Variants in UCMA observed in about 807,000 individuals in gnomAD.
UCMA encodes the protein upper zone of growth plate and cartilage matrix-associated protein.
Under a neutral mutation model 21.8 loss-of-function variants are expected in UCMA, and 21 were observed. The ratio of observed to expected loss-of-function variants is 0.97; its 90% CI spans 0.68 to 1.39. The LOEUF is 1.39. Among genes scored for constraint, UCMA ranks in the 40% most tolerant of loss-of-function variants. UCMA has a pLI of 0.00. For missense variants in UCMA, 193 were observed against 178.9 expected (o/e 1.08, Z -0.45); for synonymous variants, 76 against 67.9 (o/e 1.12, Z -0.58).
intron 1 of UCMA, 73 bp from the exon 2 acceptor site, chr10:13,233,873 CTCTT>C (rs1834934572): frequency 6.3e-7 from 1 of 1,581,068 alleles, no homozygotes; most frequent in Non-Finnish European, 8.6e-7. Flanking sequence ...GTCCCCATCT[CTCTT>C]TCCAGGCTAA....
intron 4 of UCMA, 85 bp from the exon 5 acceptor site, chr10:13,222,285 C>T: frequency 1.6e-6 from 2 of 1,249,038 alleles, no homozygotes; most frequent in Non-Finnish European, 2.3e-6. Context: ...CGAACCCCTG[C>T]CCTGTGGTGA....
intron 1 of UCMA, 119 bp downstream of exon 1, chr10:13,234,082 A>T: frequency 1.1e-5 from 10 of 877,544 alleles, no homozygotes; most frequent in South Asian, 1.9e-5. Context: ...ACACATACAC[A>T]CATGTTAACA....
At chr10:13,225,564 AC>A (rs1410130437) in intron 4 of UCMA, among the ~76,000 whole-genome samples, 1 of 150,790 alleles carries the variant, frequency 6.6e-6, no homozygotes, top group Non-Finnish European at 1.5e-5. Flanking sequence ...AATCCCAGCT[AC>A]TCAGGAAGCT....
rs372826471 is a variant in UCMA at position 13,234,216 on chromosome 10, C to T, written c.43G>A (p.Val15Met). The T allele has an allele frequency of 2.0e-5, 33 of 1,613,152 alleles. No homozygotes were observed. The highest frequency in any genetic ancestry group is 1.3e-4 in the African/African-American group (10 of 74,502). ...QAVLLSCFSA[V>M]VLLSMLREGT... Reference sequence around the variant, plus strand: ...CTGTACTCACTAGACAGGAGCACCACGGCGGAGAAGCAAGACAGCAGGACG... The same window carrying T: ...CTGTACTCACTAGACAGGAGCACCATGGCGGAGAAGCAAGACAGCAGGACG... The change falls in exon 1 of 5, where the codon GTG becomes ATG. Residue 15 changes from valine (V) to methionine (M), a missense_variant. By Grantham distance (21) the Val-to-Met change is conservative. Transcript: ENST00000378681.
At chr10:13,223,782 C>T (rs1834789301) in intron 4 of UCMA, among the ~76,000 whole-genome samples, 2 of 152,056 alleles carry the variant, frequency 1.3e-5, no homozygotes, top group South Asian at 4.1e-4. Context: ...GAACTCCTGA[C>T]CTCAAGTGAT....
intron 4 of UCMA, among the ~76,000 whole-genome samples, chr10:13,223,617 G>A (rs1375749554): frequency 6.6e-6 from 1 of 152,162 alleles, no homozygotes; most frequent in Non-Finnish European, 1.5e-5. Flanking sequence ...GCAGTGGCGT[G>A]ATCTCGGCTC....
rs1351714421 is a variant in UCMA at position 13,222,203 on chromosome 10, G to A, written c.320-3C>T. 1 of 1,613,402 alleles carries A rather than the reference G, an allele frequency of 6.2e-7. No individual in the cohort carries two copies. The highest frequency in any genetic ancestry group is 8.5e-7 in the Non-Finnish European group (1 of 1,179,874). ...CTCCCGGCTCCTCTCTTCCTGCTCT[G>A]GGGAGGAAAGACAAAGCCACCTGTT... On this transcript the variant is annotated splice_region_variant and splice_polypyrimidine_tract_variant and intron_variant, in intron 4 of 4. Coordinates refer to ENST00000378681, the MANE Select transcript of UCMA (RefSeq NM_145314.3).
intron 3 of UCMA, among the ~76,000 whole-genome samples, chr10:13,230,930 G>A (rs1834889797): frequency 6.6e-6 from 1 of 152,082 alleles, no homozygotes; most frequent in Admixed American, 6.6e-5. Flanking sequence ...GGTGGCAGGT[G>A]CCTATAATTC....
At position 13,233,814 on chromosome 10, in the gene UCMA, G is replaced by A. The variant is rs1395572232; in HGVS notation, c.59-14C>T. ...CCTCTCTCAGCACTGCAGGACAAGG[G>A]CACAGAGTGAGGCTGCAGCATCAGA... On this transcript the variant is annotated splice_polypyrimidine_tract_variant and intron_variant, in intron 1 of 4. Transcript: ENST00000378681. 2.5e-6 allele frequency: 4 copies of A among 1,613,306 alleles called. No homozygotes were observed. In the African/African-American group the frequency reaches 5.3e-5, roughly 22 times the overall value.
chr10:13,233,093 T>TC (rs1341409510), intron 3 of UCMA, among the ~76,000 whole-genome samples: 2 of 152,094 alleles, frequency 1.3e-5, no homozygotes, highest in Non-Finnish European at 1.5e-5. Flanking sequence ...TCCTGTGCCT[T>TC]CCCCATGTGC....
At chr10:13,229,234 C>T (rs191862324) in intron 4 of UCMA, among the ~76,000 whole-genome samples, 98 of 152,260 alleles carry the variant, frequency 6.4e-4, no homozygotes, top group Admixed American at 6.2e-3. Context: ...CTGCGCCCGG[C>T]CCTCCCTTCT....
intron 3 of UCMA, 95 bp from the exon 4 acceptor site, chr10:13,229,804 G>C: frequency 1.0e-6 from 1 of 990,686 alleles, no homozygotes; most frequent in South Asian, 1.4e-5. Flanking sequence ...GAAGTCACCT[G>C]GTTGGGGGAT....
intron 4 of UCMA, 84 bp downstream of exon 4, chr10:13,229,527 G>A: frequency 2.6e-6 from 3 of 1,144,934 alleles, no homozygotes; most frequent in South Asian, 1.4e-5. Context: ...AAAAAAAAAA[G>A]TTGGGTAGAA....
chr10:13,224,614 A>G (rs1322875044), intron 4 of UCMA, among the ~76,000 whole-genome samples: 1 of 152,232 alleles, frequency 6.6e-6, no homozygotes, highest in Non-Finnish European at 1.5e-5. Context: ...CAAGAAGCCC[A>G]TGAACCTGAT....
intron 4 of UCMA, among the ~76,000 whole-genome samples, chr10:13,224,444 G>A (rs1248806753): frequency 2.6e-5 from 4 of 151,916 alleles, no homozygotes; most frequent in Non-Finnish European, 5.9e-5. Flanking sequence ...AGAAAGAAGA[G>A]TTTAAATGGC....
chr10:13,233,830 C>T, intron 1 of UCMA, 30 bp from the exon 2 acceptor site: 1 of 1,612,774 alleles, frequency 6.2e-7, no homozygotes, highest in Non-Finnish European at 8.5e-7. Flanking sequence ...AGTGAGGCTG[C>T]AGCATCAGAG....
chr10:13,223,182 C>G (rs138997947), intron 4 of UCMA, among the ~76,000 whole-genome samples: 13,926 of 149,412 alleles, frequency 0.093, 842 homozygotes, highest in Middle Eastern at 0.16. Flanking sequence ...GCTGAGATCA[C>G]GCCACTGCAC....
At chr10:13,223,360 C>A (rs561072172) in intron 4 of UCMA, among the ~76,000 whole-genome samples, 1 of 152,208 alleles carries the variant, frequency 6.6e-6, no homozygotes, top group East Asian at 1.9e-4. Flanking sequence ...GGAAACAACC[C>A]CAGTGTCCCT....
intron 4 of UCMA, among the ~76,000 whole-genome samples, chr10:13,225,769 A>C (rs955647740): frequency 6.6e-6 from 1 of 150,546 alleles, no homozygotes; most frequent in Non-Finnish European, 1.5e-5. Context: ...GCCTCAGGGG[A>C]GGGCTTGGAA....
Sources: gnomAD v4.1 joint callset for allele counts (sites outside exome capture counted in the v4.1 genomes callset) on GRCh38, gnomAD v4.1.1 for gene constraint, MANE v1.5 for transcripts, NCBI Gene and HGNC (gene_info 2026-07-23, HGNC 2026-07-21) for gene names.